The following SETBP1 variants were observed in gnomAD, a reference collection of about 807,000 sequenced individuals.
SETBP1 encodes the protein SET-binding protein.
SETBP1 carries 9 observed loss-of-function variants against 101.0 expected under a neutral mutation model. The observed-to-expected ratio is 0.09, with a 90% confidence interval of 0.05 to 0.16. The LOEUF is 0.16. Among genes scored for constraint, SETBP1 ranks in the 10% least tolerant of loss-of-function variants. SETBP1 has a pLI of 1.00. For synonymous variants in SETBP1, 818 were observed against 788.5 expected, an observed-to-expected ratio of 1.04 and a Z score of -0.63; for missense variants, 1,858 against 2,033.8, an observed-to-expected ratio of 0.91 and a Z score of 1.66.
In SETBP1 at chr18:44,701,507, G is replaced by A. The variant is rs140717709; in HGVS notation, c.161G>A (p.Arg54His). ...PGKGIPVGGERMEPEEEDELG... is the reference protein window; with the variant it reads ...PGKGIPVGGEHMEPEEEDELG... ...AAGGGGATCCCGGTGGGCGGAGAGC[G>A]CATGGAGCCAGAGGAGGAGGATGAA... Residue 54 changes from arginine (R) to histidine (H), a missense_variant, in exon 2 of 6, where the codon CGC becomes CAC. By Grantham distance (29) the Arg-to-His change is conservative. Transcript: ENST00000649279. 2.1e-4 allele frequency: 340 copies of A among 1,613,904 alleles called. 1 individual carries two copies. Among genetic ancestry groups the A allele is most frequent in the African/African-American group, 2.8e-4 (21 of 74,982 alleles).
rs1029442226 is a variant in SETBP1 at position 44,876,532 on chromosome 18, T to C, written c.540+7249T>C. 1.6e-5 allele frequency: 24 copies of C among 1,488,210 alleles called. No homozygotes were observed. The African/African-American group carries it at 2.6e-4, about 16-fold the overall frequency. 92.2% of individuals were successfully genotyped at this position (1,488,210 alleles called of 1,614,324 possible). A position where few individuals can be genotyped will look rare whatever the true frequency, so the allele number is the denominator to read the frequency against. ...TGGATATTGGTATTTTCAGAAGCTC[T>C]CCAAAATCTAAGTCAGCCTCCTCAT... is the stretch of plus-strand genomic sequence containing the variant. On this transcript the variant is annotated intron_variant, in intron 3 of 5. Transcript: ENST00000649279.
At chr18:44,783,246 T>G (rs767882060) in intron 2 of SETBP1, among the ~76,000 whole-genome samples, 4 of 152,230 alleles carry the variant, frequency 2.6e-5, no homozygotes, top group Non-Finnish European at 4.4e-5. Context: ...CTGCACATTT[T>G]GGGATTGAAA....
At chr18:44,930,904 A>T (rs1403379740) in intron 3 of SETBP1, among the ~76,000 whole-genome samples, 1 of 149,788 alleles carries the variant, frequency 6.7e-6, no homozygotes, top group Non-Finnish European at 1.5e-5. Context: ...GGATTCATTG[A>T]TTTTTTTGAA....
intron 1 of SETBP1, among the ~76,000 whole-genome samples, chr18:44,685,702 G>A: frequency 6.6e-6 from 1 of 152,172 alleles, no homozygotes; most frequent in East Asian, 1.9e-4. Flanking sequence ...TGAACTCTGG[G>A]AGGATTTCCA....
intron 2 of SETBP1, among the ~76,000 whole-genome samples, chr18:44,832,672 C>T (rs1233429270): frequency 6.6e-6 from 1 of 152,206 alleles, no homozygotes; most frequent in Non-Finnish European, 1.5e-5. Flanking sequence ...TCTTCCTGCC[C>T]CTCTGAGGCA....
At chr18:44,939,249 C>T (rs1011225418) in intron 3 of SETBP1, among the ~76,000 whole-genome samples, 3 of 151,958 alleles carry the variant, frequency 2.0e-5, no homozygotes, top group African/African-American at 7.3e-5. Context: ...GCCCCGGTCC[C>T]CACCACACTC....
intron 3 of SETBP1, among the ~76,000 whole-genome samples, chr18:44,940,096 A>G (rs1377534240): frequency 6.6e-6 from 1 of 152,200 alleles, no homozygotes; most frequent in African/African-American, 2.4e-5. Flanking sequence ...TCTTCTTGGT[A>G]AATTGACTCT....
At chr18:44,813,065 G>T (rs924252803) in intron 2 of SETBP1, among the ~76,000 whole-genome samples, 2 of 151,774 alleles carry the variant, frequency 1.3e-5, no homozygotes, top group Admixed American at 6.6e-5. Context: ...AAAAAGGAAT[G>T]AGTCCACTTA....
At chr18:44,981,793 C>T (rs1352900381) in intron 4 of SETBP1, among the ~76,000 whole-genome samples, 1 of 152,134 alleles carries the variant, frequency 6.6e-6, no homozygotes, top group Admixed American at 6.5e-5. Context: ...CTAAAGAAGG[C>T]AACCAGATTT....
intron 1 of SETBP1, among the ~76,000 whole-genome samples, chr18:44,692,145 G>A (rs1473712634): frequency 6.6e-6 from 1 of 152,198 alleles, no homozygotes; most frequent in Non-Finnish European, 1.5e-5. Flanking sequence ...GGCTTGACTT[G>A]GAGTCTTAGA....
intron 3 of SETBP1, among the ~76,000 whole-genome samples, chr18:44,911,292 G>A (rs1055896754): frequency 6.6e-6 from 1 of 152,176 alleles, no homozygotes; most frequent in African/African-American, 2.4e-5. Flanking sequence ...AACTGAGAGA[G>A]AATTTATATT....
At chr18:44,917,784 C>T (rs1309270030) in intron 3 of SETBP1, among the ~76,000 whole-genome samples, 2 of 152,162 alleles carry the variant, frequency 1.3e-5, no homozygotes. Context: ...GGCTTCAGCA[C>T]TCAAAGCCCG....
At chr18:44,727,186 C>CTATGTGTGTGTG (rs143445388) in intron 2 of SETBP1, among the ~76,000 whole-genome samples, 4 of 145,188 alleles carry the variant, frequency 2.8e-5, no homozygotes, top group African/African-American at 1.0e-4. Context: ...TATTTGATCA[C>CTATGTGTGTGTG]TGTGTGTGTG....
chr18:44,828,485 TA>T (rs2072284915), intron 2 of SETBP1, among the ~76,000 whole-genome samples: 1 of 152,278 alleles, frequency 6.6e-6, no homozygotes, highest in Non-Finnish European at 1.5e-5. Context: ...GGGAATGAGA[TA>T]TTTTTTATCT....
At chr18:44,800,721 A>C (rs1319609453) in intron 2 of SETBP1, among the ~76,000 whole-genome samples, 1 of 152,178 alleles carries the variant, frequency 6.6e-6, no homozygotes, top group Non-Finnish European at 1.5e-5. Flanking sequence ...GATGAGAAAC[A>C]GTGGGAAATG....
chr18:44,991,573 A>G (rs1459746211), intron 4 of SETBP1, among the ~76,000 whole-genome samples: 1 of 152,180 alleles, frequency 6.6e-6, no homozygotes, highest in East Asian at 1.9e-4. Flanking sequence ...AAATGATAGA[A>G]TGTTCAGTTA....
At chr18:44,774,169 A>T (rs1048292020) in intron 2 of SETBP1, among the ~76,000 whole-genome samples, 1 of 152,162 alleles carries the variant, frequency 6.6e-6, no homozygotes, top group Non-Finnish European at 1.5e-5. Flanking sequence ...GAAGATTTTA[A>T]TCTTAAAATT....
chr18:44,699,606 T>C (rs937525643), intron 1 of SETBP1, among the ~76,000 whole-genome samples: 1 of 152,192 alleles, frequency 6.6e-6, no homozygotes, highest in Non-Finnish European at 1.5e-5. Flanking sequence ...GGCTCAACAG[T>C]GTCAGTGAAG....
chr18:44,705,841 G>A (rs1263943854), intron 2 of SETBP1, among the ~76,000 whole-genome samples: 6 of 152,292 alleles, frequency 3.9e-5, no homozygotes, highest in East Asian at 3.9e-4. Flanking sequence ...ATTATAGATC[G>A]TCAGGGAACA....
Sources: gnomAD v4.1 joint callset for allele counts (sites outside exome capture counted in the v4.1 genomes callset) on GRCh38, gnomAD v4.1.1 for gene constraint, MANE v1.5 for transcripts, NCBI Gene and HGNC (gene_info 2026-07-23, HGNC 2026-07-21) for gene names.